The following TUBB3 variants were observed in gnomAD, a reference collection of about 807,000 sequenced individuals.
TUBB3 encodes tubulin beta 3 class III.
A neutral mutation model predicts 37.8 loss-of-function variants in TUBB3; 17 were observed. The observed-to-expected ratio is 0.45, with a 90% CI of 0.31 to 0.67. The LOEUF (loss-of-function observed/expected upper bound fraction) is 0.67. Ranked by LOEUF, TUBB3 falls within the 30% of genes least tolerant of loss-of-function variation. TUBB3 has a pLI of 0.07. For synonymous variants in TUBB3, 332 were observed against 278.9 expected (o/e 1.19, Z -1.90); for missense variants, 262 against 657.9 (o/e 0.40, Z 6.58).
Position 89,923,431 on chromosome 16 carries a change from C to T in TUBB3, c.30C>T (p.Gly10=). The change falls in exon 1 of 4, where the codon GGC becomes GGT. Residue 10 remains glycine, a synonymous_variant. Transcript: ENST00000315491. The part of the protein sequence containing the change: MREIVHIQA[G]QCGNQIGAKF... ...GGGAGATCGTGCACATCCAGGCCGG[C>T]CAGTGCGGCAACCAGATCGGGGCCA... The T allele has an allele frequency of 6.6e-7, 1 of 1,513,496 alleles. No individual in the cohort carries two copies. Among genetic ancestry groups the T allele is most frequent in the Non-Finnish European group, 8.8e-7 (1 of 1,130,626 alleles). 93.8% of individuals were successfully genotyped at this position (1,513,496 alleles called of 1,614,324 possible).
In TUBB3 at chr16:89,935,306, C is replaced by G; in HGVS notation, c.855C>G (p.Thr285=). Residue 285 remains threonine, a synonymous_variant, in exon 4 of 4, where the codon ACC becomes ACG. Transcript: ENST00000315491. Reference sequence around the variant, plus strand: ...GCAGCCAGCAGTACCGGGCCCTGACCGTGCCCGAGCTCACCCAGCAGATGT... The same window carrying G: ...GCAGCCAGCAGTACCGGGCCCTGACGGTGCCCGAGCTCACCCAGCAGATGT... The part of the protein sequence containing the change: ...ARGSQQYRAL[T]VPELTQQMFD... The G allele has an allele frequency of 6.2e-7, 1 of 1,613,778 alleles. No individual in the cohort carries two copies. Among genetic ancestry groups the G allele is most frequent in the Non-Finnish European group, 8.5e-7 (1 of 1,179,970 alleles).
In TUBB3 at chr16:89,933,598, A is replaced by G. The variant is rs1386296107; in HGVS notation, c.277+20A>G. 1 of 1,594,742 alleles carries G rather than the reference A, an allele frequency of 6.3e-7. No homozygotes were observed. Among genetic ancestry groups the G allele is most frequent in the Non-Finnish European group, 8.6e-7 (1 of 1,162,398 alleles). On this transcript the variant is annotated intron_variant, in intron 3 of 3. Coordinates refer to ENST00000315491, the MANE Select transcript of TUBB3 (RefSeq NM_006086.4). ...TCTTTGGTAAGTTCCCCCTGCTCCAAGCTCTGATGGCAGACCCCATCACAG... is the reference window on the plus strand; with the variant it reads ...TCTTTGGTAAGTTCCCCCTGCTCCAGGCTCTGATGGCAGACCCCATCACAG...
At position 89,928,524 on chromosome 16, in the gene TUBB3, A is replaced by AT. The variant is rs34609827; in HGVS notation, c.58-4029dup. On this transcript the variant is annotated intron_variant, in intron 1 of 3. Transcript: ENST00000315491. ...CAGGCACCCGTCACCACACTGGCTA[A>AT]TTTTTTTTTTTTTTTTTTGAGGCGG... 3.8e-3 allele frequency among the ~76,000 whole-genome samples: 522 copies of AT among 136,064 alleles called. 1 individual carries two copies. The highest frequency in any genetic ancestry group is 7.6e-3 in the Middle Eastern group (2 of 264). The allele number at this position is 136,064 out of a possible 152,430, so 89.3% of individuals were successfully genotyped here.
At chr16:89,930,928 A>T (rs538071582) in intron 1 of TUBB3, among the ~76,000 whole-genome samples, 1 of 151,864 alleles carries the variant, frequency 6.6e-6, no homozygotes, top group Non-Finnish European at 1.5e-5. Flanking sequence ...CCTGGGTTCA[A>T]GTGATTCTCC....
At chr16:89,931,882 A>G (rs1046096985) in intron 1 of TUBB3, 49 of 407,628 alleles carry the variant, frequency 1.2e-4, no homozygotes, top group African/African-American at 9.4e-4. Context: ...TAGAGAGAGG[A>G]CGACCCCTGG....
chr16:89,934,722 T>G lies in TUBB3; in HGVS notation c.278-7T>G, dbSNP rs199842533. ...CCCTGTCTCTTACCCCTCTTCTCCC[T>G]GTACAGGTCAGAGTGGGGCCGGCAA... On this transcript the variant is annotated splice_polypyrimidine_tract_variant and splice_region_variant and intron_variant, in intron 3 of 3. Coordinates refer to ENST00000315491, the MANE Select transcript of TUBB3 (RefSeq NM_006086.4). 144 of 1,613,930 alleles carry G rather than the reference T, an allele frequency of 8.9e-5. 1 individual carries two copies. In the East Asian group the frequency reaches 2.8e-3, roughly 32 times the overall value.
At chr16:89,927,242 A>G (rs1391439162) in intron 1 of TUBB3, among the ~76,000 whole-genome samples, 1 of 151,806 alleles carries the variant, frequency 6.6e-6, no homozygotes, top group Admixed American at 6.6e-5. Context: ...AATTAGCTGG[A>G]CATGGAGGCA....
intron 1 of TUBB3, among the ~76,000 whole-genome samples, chr16:89,927,140 C>T (rs56082052): frequency 1.1e-4 from 16 of 151,916 alleles, no homozygotes; most frequent in African/African-American, 3.9e-4. Context: ...TTTGGGAGGC[C>T]GAGGTGGGTG....
At position 89,935,890 on chromosome 16, in the gene TUBB3, A is replaced by G; in HGVS notation, c.*86A>G. Reference sequence around the variant, plus strand: ...AACCCCCGGAGCCATCTTGCTGCCGACACCCTGCTTTCCCCTCGCCCTAGG... The same window carrying G: ...AACCCCCGGAGCCATCTTGCTGCCGGCACCCTGCTTTCCCCTCGCCCTAGG... On this transcript the variant is annotated 3_prime_UTR_variant, in exon 4 of 4. Coordinates refer to ENST00000315491, the MANE Select transcript of TUBB3 (RefSeq NM_006086.4). The G allele has an allele frequency of 8.8e-6, 13 of 1,483,240 alleles. No individual in the cohort carries two copies. The highest frequency in any genetic ancestry group is 1.4e-5 in the African/African-American group (1 of 71,542). The allele number at this position is 1,483,240 out of a possible 1,614,324, so 91.9% of individuals were successfully genotyped here. A position where few individuals can be genotyped will look rare whatever the true frequency, so the allele number is the denominator to read the frequency against.
In TUBB3 at chr16:89,935,757, A is replaced by G. The variant is rs1284783522; in HGVS notation, c.1306A>G (p.Met436Val). 6.2e-7 allele frequency: 1 copy of G among 1,613,798 alleles called. No individual in the cohort carries two copies. Among genetic ancestry groups the G allele is most frequent in the East Asian group, 2.2e-5 (1 of 44,886 alleles). The change falls in exon 4 of 4, where the codon ATG becomes GTG. Residue 436 changes from methionine (M) to valine (V), a missense_variant. Physicochemically the swap from Met to Val is conservative, Grantham distance 21. Around this residue, in one of 3 missense-constraint regions of TUBB3, gnomAD observed 39 missense variants for 26.9 expected, o/e 1.45. Transcript: ENST00000315491. Reference sequence around the variant, plus strand: ...CGCCACGGCCGAGGAAGAGGGCGAGATGTACGAAGACGACGAGGAGGAGTC... The same window carrying G: ...CGCCACGGCCGAGGAAGAGGGCGAGGTGTACGAAGACGACGAGGAGGAGTC... ...QDATAEEEGE[M>V]YEDDEEESEA... is the part of the protein sequence containing the mutation.
intron 1 of TUBB3, among the ~76,000 whole-genome samples, chr16:89,925,036 G>GTTT (rs2030025666): frequency 6.6e-6 from 1 of 152,074 alleles, no homozygotes; most frequent in South Asian, 2.1e-4. Flanking sequence ...CCCACCTGGG[G>GTTT]TTTCTCCTTC....
In TUBB3 at chr16:89,932,622, G is replaced by C; in HGVS notation, c.109G>C (p.Val37Leu). ...EHGIDPSGNYVGDSDLQLERI... is the reference protein window; with the variant it reads ...EHGIDPSGNYLGDSDLQLERI... Reference sequence around the variant, plus strand: ...TGGCATCGACCCCAGCGGCAACTACGTGGGCGACTCGGACTTGCAGCTGGA... The same window carrying C: ...TGGCATCGACCCCAGCGGCAACTACCTGGGCGACTCGGACTTGCAGCTGGA... The change falls in exon 2 of 4, where the codon GTG becomes CTG. Residue 37 changes from valine (V) to leucine (L), a missense_variant. Coordinates refer to ENST00000315491, the MANE Select transcript of TUBB3 (RefSeq NM_006086.4). 1.2e-6 allele frequency: 2 copies of C among 1,614,172 alleles called. No individual in the cohort carries two copies. The highest frequency in any genetic ancestry group is 1.7e-6 in the Non-Finnish European group (2 of 1,180,034).
Position 89,932,687 on chromosome 16 carries a change from C to A in TUBB3, c.166+8C>A. Reference sequence around the variant, plus strand: ...ACTACAACGAGGCCTCTTGTGAGTGCCTGCCCCAGCCTCCCTATCCCAGCC... The same window carrying A: ...ACTACAACGAGGCCTCTTGTGAGTGACTGCCCCAGCCTCCCTATCCCAGCC... On this transcript the variant is annotated splice_region_variant and intron_variant, in intron 2 of 3. Transcript: ENST00000315491. 3.1e-6 allele frequency: 5 copies of A among 1,607,756 alleles called. No homozygotes were observed. The highest frequency in any genetic ancestry group is 3.4e-6 in the Non-Finnish European group (4 of 1,174,766).
chr16:89,924,927 G>A (rs544272167), intron 1 of TUBB3, among the ~76,000 whole-genome samples: 1 of 151,662 alleles, frequency 6.6e-6, no homozygotes, highest in Admixed American at 6.6e-5. Flanking sequence ...CTGCTCCTGG[G>A]AGGGTCAGGG....
intron 1 of TUBB3, among the ~76,000 whole-genome samples, chr16:89,929,891 G>C (rs2030219281): frequency 6.6e-6 from 1 of 151,920 alleles, no homozygotes; most frequent in Admixed American, 6.6e-5. Context: ...AGTAGAGACA[G>C]GGTTTTGCCA....
At chr16:89,932,849 G>A (rs1419583451) in intron 2 of TUBB3, 170 bp downstream of exon 2, 21 of 655,104 alleles carry the variant, frequency 3.2e-5, no homozygotes, top group Admixed American at 3.1e-4. Context: ...GCATCCAGAC[G>A]CACAGAACAG....
intron 1 of TUBB3, among the ~76,000 whole-genome samples, chr16:89,924,376 A>C (rs2029997249): frequency 2.0e-5 from 3 of 150,388 alleles, no homozygotes; most frequent in Admixed American, 2.0e-4. Flanking sequence ...CATCCCCTGC[A>C]GGAGCCAACC....
rs998987819 is a variant in TUBB3, at chr16:89,934,833, G to A, written c.382G>A (p.Asp128Asn). 1.9e-6 allele frequency: 3 copies of A among 1,614,148 alleles called. No individual in the cohort carries two copies. Among genetic ancestry groups the A allele is most frequent in the Non-Finnish European group, 2.5e-6 (3 of 1,180,028 alleles). Residue 128 changes from aspartate to asparagine, a missense_variant, in exon 4 of 4, where the codon GAC (aspartate) becomes AAC (asparagine). Physicochemically the swap from Asp to Asn is conservative, Grantham distance 23. Coordinates refer to ENST00000315491, the MANE Select transcript of TUBB3 (RefSeq NM_006086.4). Reference sequence around the variant, plus strand: ...GGTGCGGAAGGAGTGTGAAAACTGCGACTGCCTGCAGGGCTTCCAGCTGAC... The same window carrying A: ...GGTGCGGAAGGAGTGTGAAAACTGCAACTGCCTGCAGGGCTTCCAGCTGAC... ...DVVRKECENCDCLQGFQLTHS... is the reference protein window; with the variant it reads ...DVVRKECENCNCLQGFQLTHS...
intron 1 of TUBB3, among the ~76,000 whole-genome samples, chr16:89,923,920 C>T (rs949235569): frequency 3.3e-5 from 5 of 152,186 alleles, no homozygotes; most frequent in Admixed American, 6.5e-5. Context: ...AGCCGAACGT[C>T]CCCCGAGAGG....
Sources: gnomAD v4.1 joint callset for allele counts (sites outside exome capture counted in the v4.1 genomes callset) on GRCh38, gnomAD v4.1.1 for gene constraint, gnomAD v4.1.1 regional missense constraint, MANE v1.5 for transcripts, NCBI Gene and HGNC (gene_info 2026-07-23, HGNC 2026-07-21) for gene names.